GPC6: variants seen among roughly 807,000 people sequenced by gnomAD.
The protein encoded by GPC6 is glypican 6, also known as glypican-6.
GPC6 carries 14 observed loss-of-function variants against 55.2 expected under a neutral mutation model. The observed-to-expected ratio is 0.25, with a 90% CI of 0.17 to 0.40. GPC6 has a LOEUF of 0.40. Ranked by LOEUF, GPC6 falls within the 10% of genes least tolerant of loss-of-function variation. GPC6 has a pLI of 1.00. For synonymous variants in GPC6, 278 were observed against 259.6 expected (o/e 1.07, Z -0.68); for missense variants, 641 against 708.5 (o/e 0.90, Z 1.08).
At chr13:93,286,963 T>G (rs543247497) in intron 1 of GPC6, among the ~76,000 whole-genome samples, 2 of 152,292 alleles carry the variant, frequency 1.3e-5, no homozygotes, top group South Asian at 4.1e-4. Context: ...TAGACACCTT[T>G]GCTTTCCGGT....
At chr13:93,231,314 CA>C in intron 1 of GPC6, among the ~76,000 whole-genome samples, 1 of 80,136 alleles carries the variant, frequency 1.2e-5, no homozygotes, top group Non-Finnish European at 2.3e-5. Flanking sequence ...TTCCTCATTT[CA>C]TATATATATA....
intron 1 of GPC6, among the ~76,000 whole-genome samples, chr13:93,407,153 T>C (rs900996874): frequency 1.3e-5 from 2 of 152,108 alleles, no homozygotes; most frequent in African/African-American, 4.8e-5. Context: ...GTCCTTATTT[T>C]TGGAGAAACA....
the GPC6 span, among the ~76,000 whole-genome samples, chr13:93,217,802 G>A: frequency 2.0e-5 from 3 of 152,050 alleles, no homozygotes; most frequent in African/African-American, 7.2e-5. Context: ...TGTTTCCCAG[G>A]AAAAATAGAG....
At chr13:93,776,130 A>G (rs1484256368) in intron 2 of GPC6, among the ~76,000 whole-genome samples, 1 of 28,472 alleles carries the variant, frequency 3.5e-5, no homozygotes, top group African/African-American at 8.9e-5. Context: ...ACACCCAAGT[A>G]TCCTGTTCAC....
chr13:93,997,606 T>TGTGC (rs1210950116), intron 3 of GPC6, among the ~76,000 whole-genome samples: 1 of 151,610 alleles, frequency 6.6e-6, no homozygotes, highest in Admixed American at 6.6e-5. Flanking sequence ...TGTGTGTGTG[T>TGTGC]GCATGCACGC....
intron 1 of GPC6, among the ~76,000 whole-genome samples, chr13:93,445,244 G>C (rs1877958016): frequency 6.6e-6 from 1 of 152,128 alleles, no homozygotes; most frequent in Admixed American, 6.6e-5. Context: ...CTATGTTTAG[G>C]TCATAGTGAA....
chr13:94,004,922 C>T (rs769665114), intron 3 of GPC6, among the ~76,000 whole-genome samples: 2 of 151,830 alleles, frequency 1.3e-5, no homozygotes, highest in African/African-American at 4.8e-5. Context: ...ATTAGCTGGG[C>T]GTGGTGGTGG....
intron 1 of GPC6, among the ~76,000 whole-genome samples, chr13:93,394,605 A>C (rs906056735): frequency 1.3e-5 from 2 of 152,206 alleles, no homozygotes; most frequent in Non-Finnish European, 2.9e-5. Flanking sequence ...TGAGGCTGAT[A>C]GGTCCAGAAT....
intron 1 of GPC6, among the ~76,000 whole-genome samples, chr13:93,533,890 GC>G (rs1043692382): frequency 6.6e-6 from 1 of 151,980 alleles, no homozygotes; most frequent in Non-Finnish European, 1.5e-5. Context: ...CCTGTTGCTT[GC>G]CCCTTCAGGA....
At chr13:93,653,613 T>TAC (rs1880520134) in intron 2 of GPC6, among the ~76,000 whole-genome samples, 2 of 139,794 alleles carry the variant, frequency 1.4e-5, no homozygotes, top group Non-Finnish European at 3.1e-5. Context: ...TGTGTGTGTG[T>TAC]ACATATATAT....
At chr13:93,642,405 T>C (rs1879990591) in intron 2 of GPC6, among the ~76,000 whole-genome samples, 1 of 152,048 alleles carries the variant, frequency 6.6e-6, no homozygotes, top group South Asian at 2.1e-4. Context: ...GATGAGCACT[T>C]CAGTTAATCC....
chr13:93,424,826 CAT>C (rs1877062740), intron 1 of GPC6, among the ~76,000 whole-genome samples: 1 of 152,216 alleles, frequency 6.6e-6, no homozygotes, highest in East Asian at 1.9e-4. Context: ...ACTTCTGTGT[CAT>C]ATGTTTCCCG....
intron 4 of GPC6, among the ~76,000 whole-genome samples, chr13:94,104,966 C>T (rs1468109371): frequency 6.6e-6 from 1 of 152,154 alleles, no homozygotes; most frequent in Non-Finnish European, 1.5e-5. Context: ...GAAAAAACTA[C>T]TTTAAAGTTC....
intron 2 of GPC6, among the ~76,000 whole-genome samples, chr13:93,794,009 C>T (rs930458296): frequency 1.3e-5 from 2 of 152,124 alleles, no homozygotes; most frequent in East Asian, 3.9e-4. Context: ...TTGTGCTTTG[C>T]TTTGACATAG....
At chr13:93,893,111 G>A (rs1875787359) in intron 3 of GPC6, among the ~76,000 whole-genome samples, 1 of 149,370 alleles carries the variant, frequency 6.7e-6, no homozygotes, top group African/African-American at 2.5e-5. Context: ...CCAGGCTGGA[G>A]TGCAATGGCA....
At chr13:93,716,407 A>G (rs1883256792) in intron 2 of GPC6, among the ~76,000 whole-genome samples, 1 of 151,534 alleles carries the variant, frequency 6.6e-6, no homozygotes. Flanking sequence ...CAAGATGTGG[A>G]AGTGGAGGAC....
At chr13:93,717,570 T>G (rs981724894) in intron 2 of GPC6, among the ~76,000 whole-genome samples, 3 of 151,696 alleles carry the variant, frequency 2.0e-5, no homozygotes, top group Non-Finnish European at 4.4e-5. Context: ...TATAACATGA[T>G]GCTGATTTCA....
intron 1 of GPC6, among the ~76,000 whole-genome samples, chr13:93,254,123 G>C (rs1876873401): frequency 6.6e-6 from 1 of 152,104 alleles, no homozygotes; most frequent in Non-Finnish European, 1.5e-5. Context: ...AGGAGTTTGA[G>C]ACTGGCTTGG....
chr13:94,400,631 TCTCATTCAAGAGGACATTAGAAGAGTCC>T (rs1881084912), intron 8 of GPC6, among the ~76,000 whole-genome samples: 1 of 152,008 alleles, frequency 6.6e-6, no homozygotes, highest in Admixed American at 6.5e-5. Flanking sequence ...ATTGTGTCTT[TCTCATTCAAGAGGACATTAGAAGAGTCC>T]CTACACTGCC....
Sources: allele counts gnomAD v4.1 joint callset (sites outside exome capture counted in the v4.1 genomes callset), GRCh38; gene constraint gnomAD v4.1.1; transcripts MANE v1.5; gene names NCBI Gene and HGNC (gene_info 2026-07-23, HGNC 2026-07-21).